Variants in TXNL4B observed in about 807,000 individuals in gnomAD.
The protein encoded by TXNL4B is thioredoxin like 4B, also known as thioredoxin-like protein 4B.
Under a neutral mutation model 13.0 loss-of-function variants are expected in TXNL4B, and 12 were observed. That is an observed-to-expected ratio of 0.92 (90% CI 0.59 to 1.49). TXNL4B has a LOEUF of 1.49. Ranked by LOEUF, TXNL4B falls within the 40% of genes most tolerant of loss-of-function variation. The probability of loss-of-function intolerance (pLI) is 0.00; values close to 1 mark genes in which losing one functional copy is unlikely to be tolerated. For missense variants in TXNL4B, 214 were observed against 173.6 expected, an observed-to-expected ratio of 1.23 and a Z score of -1.31; for synonymous variants, 59 against 58.9, an observed-to-expected ratio of 1.00 and a Z score of -0.01.
chr16:72,089,156 G>A lies in TXNL4B; in HGVS notation c.133-18C>T. 6.3e-7 allele frequency: 1 copy of A among 1,596,612 alleles called. No individual in the cohort carries two copies. Among genetic ancestry groups the A allele is most frequent in the Non-Finnish European group, 8.6e-7 (1 of 1,167,580 alleles). On this transcript the variant is annotated intron_variant, in intron 2 of 3. Transcript: ENST00000268483. ...TTAGAAAGCTGCAAATGACGAGAGAGACAAAGGTTACAATATGAGAGGCAG... is the reference window on the plus strand; with the variant it reads ...TTAGAAAGCTGCAAATGACGAGAGAAACAAAGGTTACAATATGAGAGGCAG...
intron 2 of TXNL4B, chr16:72,090,134 G>C (rs1454404811): frequency 4.4e-6 from 2 of 455,966 alleles, no homozygotes; most frequent in African/African-American, 4.0e-5. Context: ...CTTAGTTCTG[G>C]GTTAGGTCTC....
Position 72,090,675 on chromosome 16 carries a change from C to T in TXNL4B, c.75G>A (p.Val25=), listed in dbSNP as rs2041891631. The T allele has an allele frequency of 6.2e-7, 1 of 1,614,150 alleles. No homozygotes were observed. The highest frequency in any genetic ancestry group is 8.5e-7 in the Non-Finnish European group (1 of 1,179,966). Residue 25 remains valine (V), a synonymous_variant, in exon 2 of 4, where the codon GTG becomes GTA. Transcript: ENST00000268483. ...CATCTCTCCCAAACCTGAGAACCAA[C>T]ACCTTCTCAGCAGTACTTTTTATCG... The part of the protein sequence containing the change: ...DQAIKSTAEK[V]LVLRFGRDED...
chr16:72,086,535 T>A lies in TXNL4B; in HGVS notation c.*102A>T. The A allele has an allele frequency of 8.6e-7, 1 of 1,167,484 alleles. No homozygotes were observed. The highest frequency in any genetic ancestry group is 1.2e-6 in the Non-Finnish European group (1 of 821,790). 72.3% of individuals were successfully genotyped at this position (1,167,484 alleles called of 1,614,324 possible). A position where few individuals can be genotyped will look rare whatever the true frequency, so the allele number is the denominator to read the frequency against. ...CACGCAAGTCAAACCTCTTCTCCTC[T>A]GGGACACATGTTTCCAAAGGACTCC... On this transcript the variant is annotated 3_prime_UTR_variant, in exon 4 of 4. Coordinates refer to ENST00000268483, the MANE Select transcript of TXNL4B (RefSeq NM_017853.3).
At chr16:72,088,138 A>G (rs773731942) in intron 3 of TXNL4B, among the ~76,000 whole-genome samples, 1 of 151,560 alleles carries the variant, frequency 6.6e-6, no homozygotes, top group Non-Finnish European at 1.5e-5. Context: ...TAATTTTTGT[A>G]TTTTTAGTAG....
At chr16:72,089,166 A>G (rs2041866023) in intron 2 of TXNL4B, 28 bp from the exon 3 acceptor site, 1 of 1,581,982 alleles carries the variant, frequency 6.3e-7, no homozygotes, top group Admixed American at 1.7e-5. Flanking sequence ...GACAAAGGTT[A>G]CAATATGAGA....
rs1169024369 is a variant in TXNL4B, at chr16:72,085,185, C to G, written c.*1452G>C. 6 of 395,198 alleles carry G rather than the reference C, an allele frequency of 1.5e-5. No individual in the cohort carries two copies. The East Asian group carries it at 2.1e-4, about 14-fold the overall frequency. The allele number at this position is 395,198 out of a possible 1,614,324, so 24.5% of individuals were successfully genotyped here. A position where few individuals can be genotyped will look rare whatever the true frequency, so the allele number is the denominator to read the frequency against. On this transcript the variant is annotated 3_prime_UTR_variant, in exon 4 of 4. Transcript: ENST00000268483. ...CAGCCTTCCCTCTCTCCTGTATGAGCCAAAAGCAAGACTCATGGCACCCCT... is the reference window on the plus strand; with the variant it reads ...CAGCCTTCCCTCTCTCCTGTATGAGGCAAAAGCAAGACTCATGGCACCCCT...
At chr16:72,093,686 G>T (rs1184298782), upstream of TXNL4B, 1 of 152,416 alleles carries the variant, frequency 6.6e-6, no homozygotes, top group African/African-American at 2.4e-5. Context: ...ACCTCCGCCC[G>T]TATTAAAGAT....
At chr16:72,091,737 G>A (rs1284857383) in intron 1 of TXNL4B, among the ~76,000 whole-genome samples, 2 of 152,164 alleles carry the variant, frequency 1.3e-5, no homozygotes, top group Non-Finnish European at 2.9e-5. Flanking sequence ...CTTACTAGGT[G>A]CACCTCATTA....
chr16:72,088,728 T>C (rs546173206), intron 3 of TXNL4B, among the ~76,000 whole-genome samples: 1 of 152,342 alleles, frequency 6.6e-6, no homozygotes, highest in East Asian at 1.9e-4. Flanking sequence ...TATTTCTTCA[T>C]ACTTAAGTCG....
rs1230230362 is a variant in TXNL4B at position 72,084,870 on chromosome 16, A to G, written c.*1767T>C. Reference sequence around the variant, plus strand: ...ACTAACAGTGACTTAGGCAAAAAGAAATTTTATTCTTTCACAGAAGTCTGA... The same window carrying G: ...ACTAACAGTGACTTAGGCAAAAAGAGATTTTATTCTTTCACAGAAGTCTGA... On this transcript the variant is annotated 3_prime_UTR_variant, in exon 4 of 4. Coordinates refer to ENST00000268483, the MANE Select transcript of TXNL4B (RefSeq NM_017853.3). 3.0e-5 allele frequency: 12 copies of G among 398,476 alleles called. No homozygotes were observed. The allele number at this position is 398,476 out of a possible 1,614,324, so 24.7% of individuals were successfully genotyped here.
rs2144106700 is a variant in TXNL4B, at chr16:72,090,632, G to A, written c.118C>T (p.Gln40Ter). 6.2e-7 allele frequency: 1 copy of A among 1,613,930 alleles called. No homozygotes were observed. Among genetic ancestry groups the A allele is most frequent in the Middle Eastern group, 1.6e-4 (1 of 6,062 alleles). ...FGRDEDPVCLQLDDILSKTSS... is the reference protein window; with the variant it reads ...FGRDEDPVCL Reference sequence around the variant, plus strand: ...CATTCACTTACAATATCATCTAGCTGCAGACAGACAGGATCTTCATCTCTC... The same window carrying A: ...CATTCACTTACAATATCATCTAGCTACAGACAGACAGGATCTTCATCTCTC... Residue 40 changes from glutamine to a stop codon, truncating the protein, a stop_gained, in exon 2 of 4, where the codon CAG (glutamine) becomes TAG (stop). Coordinates refer to ENST00000268483, the MANE Select transcript of TXNL4B (RefSeq NM_017853.3). LOFTEE classifies it high-confidence loss of function.
rs182754970 is a variant in TXNL4B at position 72,090,830 on chromosome 16, C to T, written c.-37-44G>A. On this transcript the variant is annotated intron_variant, in intron 1 of 3. Transcript: ENST00000268483. ...GTTTAAAGACAGTTTAGATTAAGTG[C>T]GTGAGCCCTCATTAAAAAAAATTAA... is the stretch of plus-strand genomic sequence containing the variant. The T allele has an allele frequency of 3.9e-3, 5,884 of 1,512,530 alleles. 18 individuals are homozygous for T. Among genetic ancestry groups the T allele is most frequent in the Non-Finnish European group, 4.2e-3 (4,646 of 1,108,452 alleles). The allele number at this position is 1,512,530 out of a possible 1,614,324, so 93.7% of individuals were successfully genotyped here. A position where few individuals can be genotyped will look rare whatever the true frequency, so the allele number is the denominator to read the frequency against.
Position 72,090,603 on chromosome 16 carries a change from T to C in TXNL4B, c.132+15A>G. 15 of 1,613,018 alleles carry C rather than the reference T, an allele frequency of 9.3e-6. No homozygotes were observed. The highest frequency in any genetic ancestry group is 1.3e-5 in the Non-Finnish European group (15 of 1,179,562). Reference sequence around the variant, plus strand: ...GATTATTAATAAAAACCAATTATTTTAGACATTCACTTACAATATCATCTA... The same window carrying C: ...GATTATTAATAAAAACCAATTATTTCAGACATTCACTTACAATATCATCTA... On this transcript the variant is annotated intron_variant, in intron 2 of 3. Coordinates refer to ENST00000268483, the MANE Select transcript of TXNL4B (RefSeq NM_017853.3).
Position 72,090,535 on chromosome 16 carries a change from C to T in TXNL4B, c.132+83G>A, listed in dbSNP as rs1445790760. 3 of 1,410,190 alleles carry T rather than the reference C, an allele frequency of 2.1e-6. No homozygotes were observed. In the Admixed American group the frequency reaches 5.5e-5, roughly 26 times the overall value. The allele number at this position is 1,410,190 out of a possible 1,614,324, so 87.4% of individuals were successfully genotyped here. On this transcript the variant is annotated intron_variant, in intron 2 of 3. Coordinates refer to ENST00000268483, the MANE Select transcript of TXNL4B (RefSeq NM_017853.3). Reference sequence around the variant, plus strand: ...ACAGCTATATACCCAACCCTGACTACTCCCTCTCATGTACTACTCAGATGC... The same window carrying T: ...ACAGCTATATACCCAACCCTGACTATTCCCTCTCATGTACTACTCAGATGC...
At position 72,086,420 on chromosome 16, in the gene TXNL4B, C is replaced by T. The variant is rs1183016518; in HGVS notation, c.*217G>A. On this transcript the variant is annotated 3_prime_UTR_variant, in exon 4 of 4. Coordinates refer to ENST00000268483, the MANE Select transcript of TXNL4B (RefSeq NM_017853.3). The stretch of plus-strand genomic sequence containing the variant: ...GGGAAAATGAACACCAATGACTTGG[C>T]TGCTCTGAGGCTTGCAGGGAGTAGA... The T allele has an allele frequency of 4.8e-6, 2 of 413,212 alleles. No homozygotes were observed. The highest frequency in any genetic ancestry group is 4.0e-5 in the African/African-American group (2 of 49,772). 25.6% of individuals were successfully genotyped at this position (413,212 alleles called of 1,614,324 possible). A position where few individuals can be genotyped will look rare whatever the true frequency, so the allele number is the denominator to read the frequency against.
At position 72,089,011 on chromosome 16, in the gene TXNL4B, C is replaced by T; in HGVS notation, c.260G>A (p.Gly87Glu). 1 of 1,610,028 alleles carries T rather than the reference C, an allele frequency of 6.2e-7. No individual in the cohort carries two copies. Among genetic ancestry groups the T allele is most frequent in the Non-Finnish European group, 8.5e-7 (1 of 1,177,106 alleles). The change falls in exon 3 of 4, where the codon GGG becomes GAG. Residue 87 changes from glycine to glutamate, a missense_variant. By Grantham distance (98) the Gly-to-Glu change is moderately conservative (BLOSUM62 -2). Coordinates refer to ENST00000268483, the MANE Select transcript of TXNL4B (RefSeq NM_017853.3). Reference sequence around the variant, plus strand: ...CCCATAATCCACTTTCATATGCTGCCCATTGAAGAAAAAGACAGTAGATGG... The same window carrying T: ...CCCATAATCCACTTTCATATGCTGCTCATTGAAGAAAAAGACAGTAGATGG... ...YIPSTVFFFNGQHMKVDYGSP... is the reference protein window; with the variant it reads ...YIPSTVFFFNEQHMKVDYGSP...
intron 2 of TXNL4B, 73 bp downstream of exon 2, chr16:72,090,545 T>A: frequency 6.7e-7 from 1 of 1,493,866 alleles, no homozygotes; most frequent in Non-Finnish European, 9.2e-7. Flanking sequence ...CTCCCTCTCA[T>A]GTACTACTCA....
intron 1 of TXNL4B, among the ~76,000 whole-genome samples, chr16:72,092,866 A>G (rs1338466606): frequency 6.6e-6 from 1 of 152,284 alleles, no homozygotes; most frequent in Non-Finnish European, 1.5e-5. Flanking sequence ...TATGTTTACA[A>G]AGTCACTGAA....
chr16:72,090,258 A>G (rs7190995), intron 2 of TXNL4B: 194,640 of 460,820 alleles, frequency 0.42, 44,590 homozygotes, highest in African/African-American at 0.71. Flanking sequence ...CCTGTGGGAA[A>G]TTACTTGACC....
Sources: gnomAD v4.1 joint callset for allele counts (sites outside exome capture counted in the v4.1 genomes callset) on GRCh38, gnomAD v4.1.1 for gene constraint, MANE v1.5 for transcripts, NCBI Gene and HGNC (gene_info 2026-07-23, HGNC 2026-07-21) for gene names.